BEND3: variants seen among roughly 807,000 people sequenced by gnomAD.
BEND3 encodes the protein BEN domain containing 3.
A neutral mutation model predicts 60.1 loss-of-function variants in BEND3; 13 were observed. The observed-to-expected ratio is 0.22, with a 90% CI of 0.14 to 0.34. The LOEUF (loss-of-function observed/expected upper bound fraction) is 0.34, where lower values mean the gene tolerates loss of function less well. BEND3 is among the 10% of genes least tolerant of loss of function. The pLI is 1.00. For synonymous variants in BEND3, 497 were observed against 491.5 expected (o/e 1.01, Z -0.15); for missense variants, 896 against 1,138.1 (o/e 0.79, Z 3.06).
intron 3 of BEND3, 76 bp from the exon 4 acceptor site, chr6:107,071,026 C>T (rs1235083309): frequency 1.5e-6 from 2 of 1,365,342 alleles, no homozygotes; most frequent in Non-Finnish European, 2.0e-6. Flanking sequence ...GTCTGTGTAG[C>T]ACACAGAGGC....
At chr6:107,102,964 C>T (rs1388630601) in intron 1 of BEND3, among the ~76,000 whole-genome samples, 1 of 152,252 alleles carries the variant, frequency 6.6e-6, no homozygotes, top group Non-Finnish European at 1.5e-5. Flanking sequence ...TGCCTTCCCT[C>T]AGCCAGCCAG....
intron 3 of BEND3, among the ~76,000 whole-genome samples, chr6:107,087,428 T>G (rs1775376295): frequency 6.6e-6 from 1 of 152,182 alleles, no homozygotes; most frequent in Non-Finnish European, 1.5e-5. Flanking sequence ...ATGATTAATA[T>G]GCCAAGGACT....
chr6:107,100,253 T>C (rs1266019389), intron 1 of BEND3, among the ~76,000 whole-genome samples: 1 of 152,188 alleles, frequency 6.6e-6, no homozygotes, highest in Admixed American at 6.6e-5. Flanking sequence ...ATTTCATTTA[T>C]TTGTTTATGA....
rs1480024528 is a variant in BEND3, at chr6:107,073,239, ATATATATATATATATATATATATATG to A, written c.241-2315_241-2290del. Among the ~76,000 whole-genome samples, 62 of 18,480 alleles carry A rather than the reference ATATATATATATATATATATATATATG, an allele frequency of 3.4e-3. 3 individuals carry two copies. The highest frequency in any genetic ancestry group is 6.0e-3 in the African/African-American group (38 of 6,378). 12.1% of individuals were successfully genotyped at this position (18,480 alleles called of 152,430 possible). On this transcript the variant is annotated intron_variant, in intron 3 of 3. Transcript: ENST00000369042. ...TATATATATATATATATATATATATATATATATATATATATATATATATATGTATGTGAGCAAATGGTCAGTGGCAA... is the reference window on the plus strand; with the variant it reads ...TATATATATATATATATATATATATATATGTGAGCAAATGGTCAGTGGCAA...
intron 1 of BEND3, among the ~76,000 whole-genome samples, chr6:107,107,119 T>C (rs940505014): frequency 6.6e-6 from 1 of 151,904 alleles, no homozygotes; most frequent in Non-Finnish European, 1.5e-5. Flanking sequence ...GTATTTTTAG[T>C]AGAGACAGAG....
chr6:107,069,539 G>A lies in BEND3; in HGVS notation c.1652C>T (p.Ala551Val). Residue 551 changes from alanine (A) to valine (V), a missense_variant, in exon 4 of 4, where the codon GCC becomes GTC. Coordinates refer to ENST00000369042, the MANE Select transcript of BEND3 (RefSeq NM_001367314.1). ...CTGCTCCTTGCTGAGCAGGCAGTCG[G>A]CACCGGGCACCTCGAAGTCAGGCTG... ...IPQPDFEVPG[A>V]DCLLSKEQLR... The A allele has an allele frequency of 1.2e-6, 2 of 1,613,118 alleles. No homozygotes were observed. Among genetic ancestry groups the A allele is most frequent in the Middle Eastern group, 3.3e-4 (2 of 6,062 alleles).
At chr6:107,081,223 T>A (rs1436418007) in intron 3 of BEND3, among the ~76,000 whole-genome samples, 1 of 127,934 alleles carries the variant, frequency 7.8e-6, no homozygotes, top group Non-Finnish European at 1.7e-5. Context: ...TTACACAAAC[T>A]TTTTTTTTTT....
intron 3 of BEND3, among the ~76,000 whole-genome samples, chr6:107,090,719 G>A (rs1243044725): frequency 6.6e-6 from 1 of 152,124 alleles, no homozygotes. Context: ...TTGAACATAT[G>A]CTTGGACTAG....
At position 107,070,105 on chromosome 6, in the gene BEND3, C is replaced by G; in HGVS notation, c.1086G>C (p.Gln362His). ...GQVASFFEAE[Q>H]VDPGHFLDNK... ...TGTCCAGGAAGTGGCCGGGGTCCAC[C>G]TGCTCTGCCTCAAAGAAGCTGGCGA... The change falls in exon 4 of 4, where the codon CAG (glutamine) becomes CAC (histidine). Residue 362 changes from glutamine (Q) to histidine (H), a missense_variant. Around this residue, in one of 4 missense-constraint regions of BEND3, gnomAD observed 846 missense variants for 1,036.7 expected, o/e 0.82. Transcript: ENST00000369042. The surrounding 1 kb of genome is among the most constrained non-coding windows in gnomAD (Gnocchi z 6.9). The G allele has an allele frequency of 6.2e-7, 1 of 1,613,424 alleles. No individual in the cohort carries two copies.
intron 1 of BEND3, among the ~76,000 whole-genome samples, chr6:107,103,525 T>A (rs1248520139): frequency 5.1e-4 from 77 of 152,236 alleles, no homozygotes; most frequent in Non-Finnish European, 1.0e-4. Context: ...AATGTTCTCA[T>A]GCCTCCCACC....
intron 3 of BEND3, among the ~76,000 whole-genome samples, chr6:107,096,066 T>C (rs1170328257): frequency 2.0e-5 from 3 of 152,166 alleles, no homozygotes; most frequent in African/African-American, 4.8e-5. Flanking sequence ...GGATCATCAG[T>C]TGTAATAAAT....
chr6:107,094,813 A>G (rs1775550635), intron 3 of BEND3, among the ~76,000 whole-genome samples: 1 of 124,752 alleles, frequency 8.0e-6, no homozygotes, highest in African/African-American at 3.0e-5. Context: ...TGACTATGTC[A>G]CTGCCTTTTT....
chr6:107,101,617 AAAT>A (rs1325923118), intron 1 of BEND3, among the ~76,000 whole-genome samples: 1 of 152,212 alleles, frequency 6.6e-6, no homozygotes, highest in Non-Finnish European at 1.5e-5. Flanking sequence ...GACAGAAAAC[AAAT>A]AATAAGTCAA....
At chr6:107,086,009 G>A (rs1554234181) in intron 3 of BEND3, among the ~76,000 whole-genome samples, 5 of 151,446 alleles carry the variant, frequency 3.3e-5, no homozygotes, top group East Asian at 3.9e-4. Flanking sequence ...GGATGGTCTC[G>A]ATCTCCTGAC....
At chr6:107,077,947 A>G (rs957845936) in intron 3 of BEND3, among the ~76,000 whole-genome samples, 1 of 151,928 alleles carries the variant, frequency 6.6e-6, no homozygotes, top group East Asian at 1.9e-4. Flanking sequence ...TAAACGAAAA[A>G]CCCCAGGAGA....
At chr6:107,111,044 A>G (rs1770069472) in intron 1 of BEND3, among the ~76,000 whole-genome samples, 1 of 151,402 alleles carries the variant, frequency 6.6e-6, no homozygotes, top group Admixed American at 6.6e-5. Context: ...GCATACTTGT[A>G]GGCCCAGCTA....
chr6:107,109,977 G>A (rs1313483260), intron 1 of BEND3, among the ~76,000 whole-genome samples: 1 of 150,782 alleles, frequency 6.6e-6, no homozygotes, highest in Non-Finnish European at 1.5e-5. Context: ...GCTGCAGTGA[G>A]CTGTGATCGT....
intron 3 of BEND3, among the ~76,000 whole-genome samples, chr6:107,079,451 A>G (rs557145122): frequency 6.6e-6 from 1 of 152,206 alleles, no homozygotes; most frequent in African/African-American, 2.4e-5. Flanking sequence ...GCCTATAGAC[A>G]GGAGCAAAAC....
intron 3 of BEND3, among the ~76,000 whole-genome samples, chr6:107,091,994 C>T (rs937849622): frequency 1.3e-4 from 20 of 152,280 alleles, no homozygotes; most frequent in Admixed American, 9.8e-4. Flanking sequence ...TGGTGGCTCA[C>T]GCCTGTAATC....
Sources: allele counts gnomAD v4.1 joint callset (sites outside exome capture counted in the v4.1 genomes callset), GRCh38; gene constraint gnomAD v4.1.1; regional missense constraint gnomAD v4.1.1; non-coding constraint Gnocchi (gnomAD v3.1); transcripts MANE v1.5; gene names NCBI Gene and HGNC (gene_info 2026-07-23, HGNC 2026-07-21).